FAT3: variants seen among roughly 807,000 people sequenced by gnomAD.
The protein encoded by FAT3 is protocadherin Fat 3.
A neutral mutation model predicts 310.2 loss-of-function variants in FAT3; 95 were observed. That is an observed-to-expected ratio of 0.31 (90% CI 0.26 to 0.36). The LOEUF is 0.36. Ranked by LOEUF, FAT3 falls within the 10% of genes least tolerant of loss-of-function variation. The pLI, the probability that FAT3 is intolerant of heterozygous loss-of-function variation, is 1.00. For synonymous variants in FAT3, 2,314 were observed against 2,192.9 expected (o/e 1.06, Z -1.54); for missense variants, 5,408 against 5,715.6 (o/e 0.95, Z 1.74).
chr11:92,340,996 C>T (rs1948244235), intron 1 of FAT3, among the ~76,000 whole-genome samples: 1 of 152,134 alleles, frequency 6.6e-6, no homozygotes, highest in Non-Finnish European at 1.5e-5. Flanking sequence ...GTCTCTGTGG[C>T]AGCACCTCTA....
At chr11:92,255,581 G>T (rs569404085) in intron 1 of FAT3, among the ~76,000 whole-genome samples, 2 of 152,186 alleles carry the variant, frequency 1.3e-5, no homozygotes, top group South Asian at 2.1e-4. Flanking sequence ...TATTAAGGAG[G>T]CATTCTAATA....
chr11:92,470,885 G>T (rs1235820830), intron 2 of FAT3, among the ~76,000 whole-genome samples: 1 of 151,966 alleles, frequency 6.6e-6, no homozygotes. Flanking sequence ...ATCCTTCATA[G>T]AAATTTTAGA....
At chr11:92,317,965 C>G (rs1947509575) in intron 1 of FAT3, among the ~76,000 whole-genome samples, 1 of 152,170 alleles carries the variant, frequency 6.6e-6, no homozygotes, top group African/African-American at 2.4e-5. Context: ...TATTCTCAAT[C>G]TTCTGCCACT....
chr11:92,505,849 A>G (rs1953083162), intron 2 of FAT3, among the ~76,000 whole-genome samples: 1 of 152,168 alleles, frequency 6.6e-6, no homozygotes, highest in Non-Finnish European at 1.5e-5. Context: ...TTGTTCGTGT[A>G]CTATGTGCAA....
chr11:92,632,865 C>T (rs57802216), intron 3 of FAT3, among the ~76,000 whole-genome samples: 2,142 of 152,290 alleles, frequency 0.014, 67 homozygotes, highest in African/African-American at 0.049. Context: ...CCTCTCTTCA[C>T]TCCTCAGTCT....
intron 2 of FAT3, among the ~76,000 whole-genome samples, chr11:92,467,771 T>G (rs1951803974): frequency 6.6e-6 from 1 of 152,160 alleles, no homozygotes; most frequent in African/African-American, 2.4e-5. Context: ...AGCATTTCTG[T>G]TTTTGAACAT....
intron 2 of FAT3, chr11:92,400,224 G>C (rs1439539092): frequency 1.3e-5 from 2 of 152,184 alleles, no homozygotes; most frequent in East Asian, 3.8e-4. Flanking sequence ...TAAATGTCAA[G>C]TGATGATATA....
intron 2 of FAT3, among the ~76,000 whole-genome samples, chr11:92,447,358 G>A (rs770591501): frequency 1.4e-4 from 22 of 151,734 alleles, no homozygotes; most frequent in Non-Finnish European, 4.4e-5. Context: ...TACTTAATCT[G>A]CTGGAGTCAT....
In FAT3 at chr11:92,416,787, G is replaced by A. The variant is rs185377535; in HGVS notation, c.3292+61383G>A. 1.7e-3 allele frequency among the ~76,000 whole-genome samples: 254 copies of A among 152,270 alleles called. 2 individuals carry two copies. The highest frequency in any genetic ancestry group is 2.9e-3 in the Non-Finnish European group (194 of 68,016). Reference sequence around the variant, plus strand: ...GCAGGTTCCAGTTAAGAGGGTGAACGCAGACAGAAATTGGTGGGACTCTTT... The same window carrying A: ...GCAGGTTCCAGTTAAGAGGGTGAACACAGACAGAAATTGGTGGGACTCTTT... On this transcript the variant is annotated intron_variant, in intron 2 of 27. Transcript: ENST00000525166.
At chr11:92,468,031 G>C (rs1951813967) in intron 2 of FAT3, among the ~76,000 whole-genome samples, 4 of 152,218 alleles carry the variant, frequency 2.6e-5, no homozygotes, top group African/African-American at 9.7e-5. Context: ...GCAGTGCCTT[G>C]TAATCAAATA....
At chr11:92,674,640 A>T (rs1943231401) in intron 3 of FAT3, among the ~76,000 whole-genome samples, 1 of 151,924 alleles carries the variant, frequency 6.6e-6, no homozygotes, top group Admixed American at 6.6e-5. Context: ...CTCCCACCTC[A>T]GCCTCCCAAG....
intron 1 of FAT3, among the ~76,000 whole-genome samples, chr11:92,286,422 A>G (rs1325424392): frequency 1.3e-5 from 2 of 152,130 alleles, no homozygotes; most frequent in Admixed American, 6.6e-5. Context: ...TCTTATATGC[A>G]CGGAGGGAAT....
intron 3 of FAT3, among the ~76,000 whole-genome samples, chr11:92,528,480 G>A (rs536930634): frequency 3.3e-4 from 50 of 152,256 alleles, no homozygotes; most frequent in South Asian, 2.9e-3. Flanking sequence ...TCCGCCTCCC[G>A]AGTTCACGCC....
At chr11:92,236,427 T>C (rs1014990911) in intron 1 of FAT3, among the ~76,000 whole-genome samples, 1 of 152,172 alleles carries the variant, frequency 6.6e-6, no homozygotes, top group South Asian at 2.1e-4. Flanking sequence ...TATTCATTAT[T>C]TGAGGGGCAG....
intron 2 of FAT3, among the ~76,000 whole-genome samples, chr11:92,407,728 C>G (rs1385820846): frequency 6.6e-6 from 1 of 152,182 alleles, no homozygotes; most frequent in East Asian, 1.9e-4. Context: ...TGATGTTCAT[C>G]TGACACGTAT....
intron 9 of FAT3, among the ~76,000 whole-genome samples, chr11:92,795,144 T>C (rs1947136072): frequency 6.6e-6 from 1 of 152,126 alleles, no homozygotes; most frequent in African/African-American, 2.4e-5. Context: ...ATATCTAGTT[T>C]GAGTTTTGTG....
intron 15 of FAT3, 97 bp downstream of exon 15, chr11:92,835,181 C>T (rs184174078): frequency 8.0e-6 from 8 of 994,530 alleles, no homozygotes; most frequent in African/African-American, 3.3e-5. Context: ...GTTTTCTTCA[C>T]ACTTCCCCCT....
At position 92,859,340 on chromosome 11, in the gene FAT3, T is replaced by C. The variant is rs773554063; in HGVS notation, c.11658+18T>C. The stretch of plus-strand genomic sequence containing the variant: ...TTCTGAAGGTAATTAAAATGGGTTA[T>C]CTTTTTCTGCAGTCAGTTCTCATGT... On this transcript the variant is annotated intron_variant, in intron 21 of 27. Coordinates refer to ENST00000525166, the MANE Select transcript of FAT3 (RefSeq NM_001367949.2). 3.8e-6 allele frequency: 6 copies of C among 1,563,120 alleles called. No homozygotes were observed. The highest frequency in any genetic ancestry group is 1.4e-5 in the African/African-American group (1 of 73,916).
Position 92,355,144 on chromosome 11 carries a change from G to A in FAT3, c.3032G>A (p.Arg1011Gln), listed in dbSNP as rs181670458. The change falls in exon 2 of 28, where the codon CGG (arginine) becomes CAG (glutamine). Residue 1011 changes from arginine (R) to glutamine (Q), a missense_variant. By Grantham distance (43) the Arg-to-Gln change is conservative. Coordinates refer to ENST00000525166, the MANE Select transcript of FAT3 (RefSeq NM_001367949.2). ...CAGCAGTTCTATAACCTTACTGTGC[G>A]GGCCAAAGACAAAGGGCGGCCTGTC... ...EKQQFYNLTVRAKDKGRPVSL... is the reference protein window; with the variant it reads ...EKQQFYNLTVQAKDKGRPVSL... 110 of 1,613,730 alleles carry A rather than the reference G, an allele frequency of 6.8e-5. No homozygotes were observed. Among genetic ancestry groups the A allele is most frequent in the Admixed American group, 1.7e-4 (10 of 59,910 alleles).
Sources: allele counts gnomAD v4.1 joint callset (sites outside exome capture counted in the v4.1 genomes callset), GRCh38; gene constraint gnomAD v4.1.1; transcripts MANE v1.5; gene names NCBI Gene and HGNC (gene_info 2026-07-23, HGNC 2026-07-21).